UTP6: variants seen among roughly 807,000 people sequenced by gnomAD.
UTP6 encodes U3 small nucleolar RNA-associated protein 6 homolog.
Under a neutral mutation model 96.5 loss-of-function variants are expected in UTP6, and 60 were observed. The ratio of observed to expected loss-of-function variants is 0.62; its 90% CI spans 0.51 to 0.77. The LOEUF (loss-of-function observed/expected upper bound fraction) is 0.77, where lower values mean the gene tolerates loss of function less well. UTP6 is among the 30% of genes least tolerant of loss of function. UTP6 has a pLI of 0.00. For missense variants in UTP6, 637 were observed against 706.5 expected (o/e 0.90, Z 1.12); for synonymous variants, 215 against 240.1 (o/e 0.90, Z 0.96).
chr17:31,892,413 TA>T, intron 5 of UTP6, 90 bp from the exon 6 acceptor site: 1 of 1,293,570 alleles, frequency 7.7e-7, no homozygotes, highest in Non-Finnish European at 1.1e-6. Flanking sequence ...TTACCAACTG[TA>T]AAATCCAATG....
chr17:31,895,060 C>A, intron 2 of UTP6, 49 bp from the exon 3 acceptor site: 1 of 1,370,502 alleles, frequency 7.3e-7, no homozygotes, highest in Non-Finnish European at 9.9e-7. Flanking sequence ...AAATCTAAAA[C>A]CTTTTAAATA....
chr17:31,896,451 G>A (rs1756722769), intron 2 of UTP6, among the ~76,000 whole-genome samples: 1 of 152,096 alleles, frequency 6.6e-6, no homozygotes. Context: ...TTAACTACAA[G>A]TGATGTTTCC....
chr17:31,889,793 C>T (rs1027410373), intron 6 of UTP6, among the ~76,000 whole-genome samples: 8 of 151,842 alleles, frequency 5.3e-5, no homozygotes, highest in African/African-American at 1.9e-4. Flanking sequence ...CCACTGCGCC[C>T]GGCCCACTCA....
chr17:31,899,909 G>A (rs1378107505), intron 1 of UTP6, among the ~76,000 whole-genome samples, 179 bp from the exon 2 acceptor site: 1 of 152,164 alleles, frequency 6.6e-6, no homozygotes, highest in East Asian at 1.9e-4. Context: ...ACTTTGGGAG[G>A]CTGAGGCGGG....
intron 10 of UTP6, among the ~76,000 whole-genome samples, chr17:31,882,278 G>A (rs372051933): frequency 1.7e-4 from 25 of 147,962 alleles, no homozygotes; most frequent in African/African-American, 4.5e-4. Context: ...TGATCCGCCC[G>A]CCTCGGCCTT....
At chr17:31,901,272 G>A (rs1904965179) in intron 1 of UTP6, 1 of 462,672 alleles carries the variant, frequency 2.2e-6, no homozygotes, top group Non-Finnish European at 4.0e-6. Context: ...CTAATGAGCA[G>A]GAATCCTGGG....
At chr17:31,889,744 C>T (rs1334873095) in intron 6 of UTP6, among the ~76,000 whole-genome samples, 1 of 151,896 alleles carries the variant, frequency 6.6e-6, no homozygotes, top group Non-Finnish European at 1.5e-5. Context: ...GTGATCCGCC[C>T]GCCTCGGCCT....
chr17:31,872,889 C>T (rs1910266074), intron 16 of UTP6, among the ~76,000 whole-genome samples: 1 of 148,236 alleles, frequency 6.7e-6, no homozygotes, highest in African/African-American at 2.5e-5. Flanking sequence ...CCCAGCTATT[C>T]AGGAGGCTAA....
At chr17:31,893,045 T>C (rs1414278715) in intron 4 of UTP6, among the ~76,000 whole-genome samples, 4 of 151,858 alleles carry the variant, frequency 2.6e-5, no homozygotes, top group African/African-American at 9.7e-5. Context: ...CCAAGGCGGA[T>C]TGATCACTTG....
intron 16 of UTP6, 129 bp downstream of exon 16, chr17:31,873,249 A>T: frequency 1.2e-6 from 1 of 845,164 alleles, no homozygotes; most frequent in Non-Finnish European, 1.8e-6. Context: ...GCAAGACTCC[A>T]TCTTAAAAAA....
At chr17:31,880,429 A>G in intron 11 of UTP6, 144 bp downstream of exon 11, 1 of 943,570 alleles carries the variant, frequency 1.1e-6, no homozygotes, top group Non-Finnish European at 1.5e-6. Context: ...TCCCAATAAA[A>G]AAAAAAAAAA....
chr17:31,873,347 A>G (rs1288904788), intron 16 of UTP6, 31 bp downstream of exon 16: 2 of 1,601,228 alleles, frequency 1.2e-6, no homozygotes, highest in East Asian at 2.2e-5. Context: ...GGGTAGAGGG[A>G]CTAGTAACAA....
intron 4 of UTP6, 135 bp from the exon 5 acceptor site, chr17:31,892,929 T>C: frequency 2.0e-6 from 2 of 1,004,592 alleles, no homozygotes; most frequent in Non-Finnish European, 3.0e-6. Flanking sequence ...TCCCACCACT[T>C]TGTGAAGCCG....
At chr17:31,892,947 C>T (rs1161568757) in intron 4 of UTP6, among the ~76,000 whole-genome samples, 153 bp from the exon 5 acceptor site, 3 of 152,084 alleles carry the variant, frequency 2.0e-5, no homozygotes, top group South Asian at 2.1e-4. Flanking sequence ...CCGAAGCGGG[C>T]GGATCACTTG....
intron 2 of UTP6, among the ~76,000 whole-genome samples, chr17:31,897,197 G>T (rs1289568285): frequency 6.6e-6 from 1 of 151,860 alleles, no homozygotes; most frequent in Non-Finnish European, 1.5e-5. Context: ...GAGGCAGGAG[G>T]ATCATCTGAG....
chr17:31,873,773 TGTTA>T lies in UTP6; in HGVS notation c.1306-24_1306-21del, dbSNP rs749694087. 4.7e-5 allele frequency: 75 copies of T among 1,600,580 alleles called. 1 individual carries two copies. In the South Asian group the frequency reaches 7.2e-4, roughly 15 times the overall value. ...ACAAACCTACTCCCAGTTTAAAAAA[TGTTA>T]GTTAGAGAACAGCATATAACAAAAC... On this transcript the variant is annotated intron_variant, in intron 14 of 18. Coordinates refer to ENST00000261708, the MANE Select transcript of UTP6 (RefSeq NM_018428.3).
At position 31,863,083 on chromosome 17, in the gene UTP6, A is replaced by C; in HGVS notation, c.*276T>G. On this transcript the variant is annotated 3_prime_UTR_variant, in exon 19 of 19. Transcript: ENST00000261708. Reference sequence around the variant, plus strand: ...TCAAACTGAGCAGTGTCATGCACCTATAATCCCAGCTACTCAGGAGTCTGA... The same window carrying C: ...TCAAACTGAGCAGTGTCATGCACCTCTAATCCCAGCTACTCAGGAGTCTGA... 1 of 406,998 alleles carries C rather than the reference A, an allele frequency of 2.5e-6. No individual in the cohort carries two copies. Among genetic ancestry groups the C allele is most frequent in the Non-Finnish European group, 4.4e-6 (1 of 225,160 alleles). The allele number at this position is 406,998 out of a possible 1,614,324, so 25.2% of individuals were successfully genotyped here. A position where few individuals can be genotyped will look rare whatever the true frequency, so the allele number is the denominator to read the frequency against.
intron 2 of UTP6, 146 bp from the exon 3 acceptor site, chr17:31,895,157 T>C: frequency 3.3e-6 from 2 of 609,282 alleles, no homozygotes; most frequent in South Asian, 4.3e-5. Flanking sequence ...AATAAATGTC[T>C]AGAACTCACT....
At chr17:31,878,587 T>C (rs1856983628) in intron 12 of UTP6, 115 bp downstream of exon 12, 2 of 1,013,914 alleles carry the variant, frequency 2.0e-6, no homozygotes, top group Non-Finnish European at 3.0e-6. Flanking sequence ...AGAGAGAGAG[T>C]GGCTAAACAT....
Sources: allele counts gnomAD v4.1 joint callset (sites outside exome capture counted in the v4.1 genomes callset), GRCh38; gene constraint gnomAD v4.1.1; transcripts MANE v1.5; gene names NCBI Gene and HGNC (gene_info 2026-07-23, HGNC 2026-07-21).